The following MKX variants were observed in gnomAD, a reference collection of about 807,000 sequenced individuals.
MKX encodes homeobox protein Mohawk.
A neutral mutation model predicts 36.0 loss-of-function variants in MKX; 13 were observed. That is an observed-to-expected ratio of 0.36 (90% CI 0.24 to 0.57). The LOEUF is 0.57. Ranked by LOEUF, MKX falls within the 20% of genes least tolerant of loss-of-function variation. The pLI is 0.79. For missense variants in MKX, 458 were observed against 456.4 expected (o/e 1.00, Z -0.03); for synonymous variants, 176 against 178.3 (o/e 0.99, Z 0.10).
intron 5 of MKX, among the ~76,000 whole-genome samples, chr10:27,721,835 A>G (rs969066418): frequency 1.3e-5 from 2 of 152,194 alleles, no homozygotes; most frequent in African/African-American, 2.4e-5. Flanking sequence ...GTTTGATAGA[A>G]TACAATAGAG....
chr10:27,722,765 G>A (rs1253240650), intron 5 of MKX, among the ~76,000 whole-genome samples: 1 of 152,174 alleles, frequency 6.6e-6, no homozygotes, highest in Non-Finnish European at 1.5e-5. Context: ...TACATTTGAT[G>A]TGTATTCCTT....
chr10:27,739,497 A>G (rs987431805), intron 3 of MKX, among the ~76,000 whole-genome samples: 3 of 152,294 alleles, frequency 2.0e-5, no homozygotes, highest in South Asian at 4.1e-4. Flanking sequence ...CATGTAAAGC[A>G]TATTTTAAAA....
intron 5 of MKX, among the ~76,000 whole-genome samples, chr10:27,733,963 G>A (rs1834691703): frequency 6.6e-6 from 1 of 152,066 alleles, no homozygotes; most frequent in Non-Finnish European, 1.5e-5. Flanking sequence ...CTATTAATTT[G>A]TTTTCATTTA....
intron 5 of MKX, 23 bp from the exon 6 acceptor site, chr10:27,675,577 A>G (rs750987416): frequency 6.2e-7 from 1 of 1,609,294 alleles, no homozygotes; most frequent in Non-Finnish European, 8.5e-7. Flanking sequence ...GCAAAAATTC[A>G]ATTATTTTTA....
intron 5 of MKX, among the ~76,000 whole-genome samples, chr10:27,681,084 T>C (rs1472566131): frequency 1.3e-5 from 2 of 152,212 alleles, no homozygotes; most frequent in East Asian, 3.9e-4. Context: ...AAAATTCCTA[T>C]CACCTAGTGA....
At chr10:27,738,169 A>G (rs1356718543) in intron 3 of MKX, among the ~76,000 whole-genome samples, 2 of 151,960 alleles carry the variant, frequency 1.3e-5, no homozygotes, top group Admixed American at 6.6e-5. Flanking sequence ...CCAATCTGGT[A>G]ATATATATAT....
chr10:27,699,603 C>A (rs1836616895), intron 5 of MKX, among the ~76,000 whole-genome samples: 1 of 152,002 alleles, frequency 6.6e-6, no homozygotes. Flanking sequence ...TTTTAAAAAC[C>A]CACAAAATAC....
chr10:27,699,788 A>G (rs1836620227), intron 5 of MKX, among the ~76,000 whole-genome samples: 1 of 152,208 alleles, frequency 6.6e-6, no homozygotes, highest in Admixed American at 6.5e-5. Flanking sequence ...AAATTAGAAC[A>G]TAACAAGCTT....
At chr10:27,676,484 T>G (rs767412657) in intron 5 of MKX, among the ~76,000 whole-genome samples, 1 of 151,626 alleles carries the variant, frequency 6.6e-6, no homozygotes, top group Non-Finnish European at 1.5e-5. Flanking sequence ...TTCAAGCAAT[T>G]CTTCTGCCTC....
At chr10:27,696,480 A>C (rs1311993405) in intron 5 of MKX, among the ~76,000 whole-genome samples, 1 of 152,206 alleles carries the variant, frequency 6.6e-6, no homozygotes, top group Non-Finnish European at 1.5e-5. Flanking sequence ...TTTGTATTTG[A>C]ATTGCCTAAG....
chr10:27,720,173 T>C (rs964300664), intron 5 of MKX, among the ~76,000 whole-genome samples: 3 of 152,064 alleles, frequency 2.0e-5, no homozygotes, highest in African/African-American at 2.4e-5. Flanking sequence ...CTTTCACAAG[T>C]GAATTCTTTT....
intron 5 of MKX, among the ~76,000 whole-genome samples, chr10:27,678,996 C>G (rs1346079607): frequency 6.6e-6 from 1 of 152,140 alleles, no homozygotes; most frequent in Non-Finnish European, 1.5e-5. Flanking sequence ...ACACAGGATT[C>G]AATAGACTGA....
intron 5 of MKX, among the ~76,000 whole-genome samples, chr10:27,706,016 A>T (rs1447578484): frequency 6.6e-6 from 1 of 152,158 alleles, no homozygotes; most frequent in African/African-American, 2.4e-5. Flanking sequence ...CTTGATATTC[A>T]TTAAACTATC....
chr10:27,740,511 T>C (rs900649015), intron 3 of MKX, among the ~76,000 whole-genome samples: 2 of 152,230 alleles, frequency 1.3e-5, no homozygotes, highest in African/African-American at 4.8e-5. Context: ...AAGTCTTGAT[T>C]ATGTCAAGTG....
chr10:27,721,676 G>A (rs12258832), intron 5 of MKX, among the ~76,000 whole-genome samples: 17,761 of 152,102 alleles, frequency 0.12, 1,131 homozygotes, highest in East Asian at 0.3. Flanking sequence ...AAAGCATGTT[G>A]GGCTTAATAC....
Position 27,675,581 on chromosome 10 carries a change from A to G in MKX, c.839-27T>C, listed in dbSNP as rs754692647. On this transcript the variant is annotated intron_variant, in intron 5 of 6. Coordinates refer to ENST00000419761, the MANE Select transcript of MKX (RefSeq NM_173576.3). ...TGTAAAGAAAAGCAAAAATTCAATT[A>G]TTTTTATGTTTTTCCTTTCTTTTCT... The G allele has an allele frequency of 4.4e-6, 7 of 1,607,754 alleles. No individual in the cohort carries two copies. In the South Asian group the frequency reaches 5.5e-5, roughly 13 times the overall value.
intron 5 of MKX, among the ~76,000 whole-genome samples, chr10:27,700,628 A>T (rs59506586): frequency 0.079 from 11,977 of 152,194 alleles, 1,422 homozygotes; most frequent in African/African-American, 0.26. Flanking sequence ...AGATAGACAT[A>T]CTTTCCTCTT....
chr10:27,705,708 C>G (rs1836735364), intron 5 of MKX, among the ~76,000 whole-genome samples: 1 of 152,114 alleles, frequency 6.6e-6, no homozygotes, highest in South Asian at 2.1e-4. Flanking sequence ...TTGTTAGTAT[C>G]TGGACAGAGT....
intron 5 of MKX, among the ~76,000 whole-genome samples, chr10:27,716,453 A>C (rs762288466): frequency 3.3e-4 from 45 of 137,476 alleles, no homozygotes; most frequent in Non-Finnish European, 5.2e-4. Flanking sequence ...AAAAAAAAGC[A>C]CACTGTCAAT....
Sources: allele counts gnomAD v4.1 joint callset (sites outside exome capture counted in the v4.1 genomes callset), GRCh38; gene constraint gnomAD v4.1.1; transcripts MANE v1.5; gene names NCBI Gene and HGNC (gene_info 2026-07-23, HGNC 2026-07-21).